The following MBNL1 variants were observed in gnomAD, a reference collection of about 807,000 sequenced individuals.
The protein encoded by MBNL1 is muscleblind like splicing regulator 1.
Under a neutral mutation model 42.2 loss-of-function variants are expected in MBNL1, and 8 were observed. That is an observed-to-expected ratio of 0.19 (90% CI 0.11 to 0.34). The LOEUF (loss-of-function observed/expected upper bound fraction) is 0.34, where lower values mean the gene tolerates loss of function less well. Among genes scored for constraint, MBNL1 ranks in the 10% least tolerant of loss-of-function variants. MBNL1 has a pLI of 1.00. For synonymous variants in MBNL1, 169 were observed against 173.9 expected, an observed-to-expected ratio of 0.97 and a Z score of 0.22; for missense variants, 309 against 495.3, an observed-to-expected ratio of 0.62 and a Z score of 3.57.
intron 2 of MBNL1, among the ~76,000 whole-genome samples, chr3:152,390,203 G>C (rs1040686238): frequency 2.7e-5 from 4 of 148,466 alleles, no homozygotes; most frequent in African/African-American, 9.8e-5. Flanking sequence ...AGCTTAAAAT[G>C]CAAACAGATT....
chr3:152,427,787 A>T (rs1057151959), intron 3 of MBNL1, among the ~76,000 whole-genome samples: 5 of 150,632 alleles, frequency 3.3e-5, no homozygotes, highest in African/African-American at 9.6e-5. Flanking sequence ...TTTAAAAATT[A>T]AAAAAATTTT....
chr3:152,401,641 A>G (rs1241814888), intron 2 of MBNL1, among the ~76,000 whole-genome samples: 2 of 152,186 alleles, frequency 1.3e-5, no homozygotes, highest in Non-Finnish European at 2.9e-5. Context: ...CAATGAACAC[A>G]GGTCTCATTG....
chr3:152,255,615 C>T (rs1360393800), intron 2 of MBNL1, among the ~76,000 whole-genome samples: 1 of 151,966 alleles, frequency 6.6e-6, no homozygotes, highest in Non-Finnish European at 1.5e-5. Flanking sequence ...CAAGTTTCTA[C>T]CCTCAAGCAG....
intron 2 of MBNL1, among the ~76,000 whole-genome samples, chr3:152,358,075 C>T (rs371638401): frequency 1.1e-4 from 16 of 151,830 alleles, no homozygotes; most frequent in African/African-American, 2.9e-4. Flanking sequence ...GCTTGTAGGA[C>T]GTATTTAAGA....
chr3:152,335,808 G>A (rs1374471716), intron 2 of MBNL1, among the ~76,000 whole-genome samples: 1 of 152,106 alleles, frequency 6.6e-6, no homozygotes, highest in Non-Finnish European at 1.5e-5. Context: ...TGGTTAATAG[G>A]TATCCCATAA....
chr3:152,349,633 T>G (rs1458701477), intron 2 of MBNL1, among the ~76,000 whole-genome samples: 1 of 152,126 alleles, frequency 6.6e-6, no homozygotes, highest in African/African-American at 2.4e-5. Flanking sequence ...AAGAAAGTAT[T>G]TAGTTCCTTT....
chr3:152,386,085 A>T (rs2097404898), intron 2 of MBNL1, among the ~76,000 whole-genome samples: 2 of 152,070 alleles, frequency 1.3e-5, no homozygotes, highest in Admixed American at 1.3e-4. Context: ...TTATTTTTCA[A>T]AGAGCACAGT....
chr3:152,378,029 G>A (rs532838546), intron 2 of MBNL1, among the ~76,000 whole-genome samples: 2 of 152,244 alleles, frequency 1.3e-5, no homozygotes, highest in South Asian at 4.1e-4. Context: ...TGTTAAGTGA[G>A]GACTAACTAT....
chr3:152,305,019 T>G (rs1162252566), intron 2 of MBNL1, among the ~76,000 whole-genome samples: 1 of 152,196 alleles, frequency 6.6e-6, no homozygotes, highest in African/African-American at 2.4e-5. Flanking sequence ...GCGTCTACTT[T>G]TTTTCTCATG....
chr3:152,261,129 T>A (rs2036188140), intron 2 of MBNL1, among the ~76,000 whole-genome samples: 1 of 152,170 alleles, frequency 6.6e-6, no homozygotes. Flanking sequence ...TTGGCTGCGC[T>A]TTGAAATCAT....
chr3:152,306,962 T>C (rs1316379214), intron 2 of MBNL1, among the ~76,000 whole-genome samples: 1 of 152,144 alleles, frequency 6.6e-6, no homozygotes, highest in Non-Finnish European at 1.5e-5. Flanking sequence ...CTAAAACAGC[T>C]TCATTTTTTA....
At position 152,361,498 on chromosome 3, in the gene MBNL1, T is replaced by C. The variant is rs568350218; in HGVS notation, c.175-53443T>C. On this transcript the variant is annotated intron_variant, in intron 2 of 9. Coordinates refer to ENST00000324210, the MANE Select transcript of MBNL1 (RefSeq NM_021038.5). ...AAGGAAGCATGAAAAAGATACAAGA[T>C]GTTCCAGAAACTGGTGGCGGTTTAA... 2.7e-5 allele frequency among the ~76,000 whole-genome samples: 4 copies of C among 150,714 alleles called. 1 individual carries two copies. The South Asian group carries it at 8.5e-4, about 32-fold the overall frequency.
intron 3 of MBNL1, among the ~76,000 whole-genome samples, chr3:152,425,136 GAGA>G (rs1409576320): frequency 2.6e-5 from 4 of 151,942 alleles, no homozygotes; most frequent in Non-Finnish European, 5.9e-5. Context: ...TACAGAACGG[GAGA>G]AGATTTTTGC....
At chr3:152,370,009 T>G (rs952019520) in intron 2 of MBNL1, among the ~76,000 whole-genome samples, 1 of 152,208 alleles carries the variant, frequency 6.6e-6, no homozygotes, top group Non-Finnish European at 1.5e-5. Flanking sequence ...TTTATCTCCT[T>G]TGGTTCTACT....
chr3:152,397,983 C>G (rs2098051341), intron 2 of MBNL1, among the ~76,000 whole-genome samples: 1 of 152,104 alleles, frequency 6.6e-6, no homozygotes, highest in South Asian at 2.1e-4. Flanking sequence ...CTTTTCAAAC[C>G]ACAATTTATT....
chr3:152,299,978 T>G lies in MBNL1; in HGVS notation c.-216T>G. 1 of 495,400 alleles carries G rather than the reference T, an allele frequency of 2.0e-6. No individual in the cohort carries two copies. The highest frequency in any genetic ancestry group is 3.2e-5 in the East Asian group (1 of 30,984). The allele number at this position is 495,400 out of a possible 1,614,324, so 30.7% of individuals were successfully genotyped here. On this transcript the variant is annotated 5_prime_UTR_variant, in exon 2 of 10. The change creates a new upstream start codon in the 5' untranslated region. Transcript: ENST00000324210. ...TCTAAAAACCAAAACCTCTTTGAAT[T>G]AACAGTTTCATGCTGTGAATTTCTA...
chr3:152,295,948 G>A (rs534873973), intron 1 of MBNL1, among the ~76,000 whole-genome samples: 1 of 152,328 alleles, frequency 6.6e-6, no homozygotes, highest in South Asian at 2.1e-4. Context: ...TCAAGAAAGA[G>A]GGAGTTGTAA....
intron 1 of MBNL1, among the ~76,000 whole-genome samples, chr3:152,291,549 T>C (rs1447989282): frequency 2.6e-5 from 4 of 152,250 alleles, no homozygotes; most frequent in Non-Finnish European, 5.9e-5. Flanking sequence ...TAGTCTGATA[T>C]ACTAAGAAAA....
intron 2 of MBNL1, among the ~76,000 whole-genome samples, chr3:152,319,231 T>C (rs1350200688): frequency 6.6e-6 from 1 of 152,182 alleles, no homozygotes; most frequent in Non-Finnish European, 1.5e-5. Context: ...TGTGCAGTGT[T>C]CAATGGTTTT....
Sources: gnomAD v4.1 joint callset for allele counts (sites outside exome capture counted in the v4.1 genomes callset) on GRCh38, gnomAD v4.1.1 for gene constraint, MANE v1.5 for transcripts, NCBI Gene and HGNC (gene_info 2026-07-23, HGNC 2026-07-21) for gene names.